The following ZNF407 variants were observed in gnomAD, a reference collection of about 807,000 sequenced individuals.
ZNF407 encodes the protein zinc finger protein 407.
A neutral mutation model predicts 131.2 loss-of-function variants in ZNF407; 17 were observed. The ratio of observed to expected loss-of-function variants is 0.13; its 90% confidence interval spans 0.09 to 0.19. ZNF407 has a LOEUF of 0.19. Among genes scored for constraint, ZNF407 ranks in the 10% least tolerant of loss-of-function variants. The pLI is 1.00. For missense variants in ZNF407, 2,681 were observed against 2,830.6 expected (o/e 0.95, Z 1.20); for synonymous variants, 1,156 against 1,062.0 (o/e 1.09, Z -1.72).
intron 4 of ZNF407, among the ~76,000 whole-genome samples, chr18:74,803,685 A>G (rs559531025): frequency 6.6e-6 from 1 of 152,360 alleles, no homozygotes; most frequent in South Asian, 2.1e-4. Flanking sequence ...GAAAACATAC[A>G]AGCTTATTCT....
At position 74,782,543 on chromosome 18, in the gene ZNF407, C is replaced by T. The variant is rs148097945; in HGVS notation, c.4877+1041C>T. 3.9e-3 allele frequency among the ~76,000 whole-genome samples: 567 copies of T among 146,532 alleles called. 12 individuals are homozygous for T. Among genetic ancestry groups the T allele is most frequent in the Admixed American group, 0.031 (466 of 15,008 alleles). ...CCCATATGTTTGATTTCATCCCCTC[C>T]GCTCCCCTCCCCTCCTCTTCTCTTC... On this transcript the variant is annotated intron_variant, in intron 4 of 8. Coordinates refer to ENST00000299687, the MANE Select transcript of ZNF407 (RefSeq NM_017757.3).
intron 8 of ZNF407, among the ~76,000 whole-genome samples, chr18:74,964,899 G>A (rs1224536607): frequency 1.3e-5 from 2 of 152,172 alleles, no homozygotes; most frequent in Non-Finnish European, 2.9e-5. Flanking sequence ...GAGCCTATGT[G>A]AAAAACTAGA....
intron 6 of ZNF407, among the ~76,000 whole-genome samples, chr18:74,883,746 A>G (rs1971270376): frequency 6.6e-6 from 1 of 152,200 alleles, no homozygotes; most frequent in Non-Finnish European, 1.5e-5. Context: ...CCGCACTATG[A>G]CGACAGCCCT....
chr18:74,730,048 A>C (rs576063788), intron 3 of ZNF407, among the ~76,000 whole-genome samples: 169 of 152,320 alleles, frequency 1.1e-3, no homozygotes, highest in Non-Finnish European at 2.1e-3. Flanking sequence ...GTATTCATTC[A>C]ACAAACGCCT....
chr18:75,005,434 C>T (rs1376711478), intron 8 of ZNF407, among the ~76,000 whole-genome samples: 2 of 151,830 alleles, frequency 1.3e-5, no homozygotes, highest in Non-Finnish European at 2.9e-5. Flanking sequence ...ACTTAGCTGG[C>T]GTATTTTCAT....
At chr18:74,790,928 A>G (rs940723112) in intron 4 of ZNF407, among the ~76,000 whole-genome samples, 3 of 152,220 alleles carry the variant, frequency 2.0e-5, no homozygotes, top group Non-Finnish European at 4.4e-5. Context: ...CGGAGCTATG[A>G]TAGGACACAG....
intron 8 of ZNF407, among the ~76,000 whole-genome samples, chr18:74,937,494 A>T (rs768792884): frequency 9.9e-5 from 15 of 152,198 alleles, no homozygotes; most frequent in African/African-American, 3.6e-4. Context: ...TGACAGTGTT[A>T]TATGTGCTGC....
chr18:74,964,209 G>A (rs1164078186), intron 8 of ZNF407, among the ~76,000 whole-genome samples: 1 of 152,194 alleles, frequency 6.6e-6, no homozygotes, highest in Non-Finnish European at 1.5e-5. Context: ...TGGATGGGAT[G>A]TGGTATTCTA....
intron 8 of ZNF407, among the ~76,000 whole-genome samples, chr18:75,024,832 T>A (rs537561773): frequency 1.3e-5 from 2 of 152,334 alleles, no homozygotes; most frequent in East Asian, 3.9e-4. Flanking sequence ...TCAATAATTA[T>A]CTGAAAATAC....
At chr18:74,797,381 A>C (rs1232880121) in intron 4 of ZNF407, among the ~76,000 whole-genome samples, 2 of 152,222 alleles carry the variant, frequency 1.3e-5, no homozygotes, top group East Asian at 3.9e-4. Flanking sequence ...CATAGATCTA[A>C]GTCTATTTGT....
At chr18:74,787,545 C>T (rs1179170069) in intron 4 of ZNF407, among the ~76,000 whole-genome samples, 3 of 152,182 alleles carry the variant, frequency 2.0e-5, no homozygotes, top group African/African-American at 4.8e-5. Flanking sequence ...TCTCTTCAAG[C>T]TTCTCTCTTG....
intron 7 of ZNF407, among the ~76,000 whole-genome samples, chr18:74,890,741 A>T (rs1255120024): frequency 6.6e-6 from 1 of 152,194 alleles, no homozygotes; most frequent in South Asian, 2.1e-4. Context: ...TATAATACAG[A>T]TTTGAATGGG....
chr18:74,681,328 T>A (rs922278230), intron 3 of ZNF407, among the ~76,000 whole-genome samples: 1 of 152,122 alleles, frequency 6.6e-6, no homozygotes, highest in Non-Finnish European at 1.5e-5. Context: ...CTTGAACTCC[T>A]GCGCCTAAAT....
At chr18:74,733,611 T>A (rs1292618575) in intron 3 of ZNF407, among the ~76,000 whole-genome samples, 2 of 152,188 alleles carry the variant, frequency 1.3e-5, no homozygotes, top group African/African-American at 2.4e-5. Context: ...CTGAAAAGTG[T>A]CTCTTTTTAG....
At chr18:74,921,091 C>G in intron 8 of ZNF407, 1 of 838,148 alleles carries the variant, frequency 1.2e-6, no homozygotes, top group Non-Finnish European at 1.4e-6. Flanking sequence ...CCATCATCTT[C>G]TAGTGAATGC....
chr18:74,985,650 T>C (rs1972644194), intron 8 of ZNF407, among the ~76,000 whole-genome samples: 1 of 152,160 alleles, frequency 6.6e-6, no homozygotes, highest in Non-Finnish European at 1.5e-5. Flanking sequence ...TTAGAGAGGA[T>C]CGAGCAGAAG....
At chr18:74,971,289 G>T (rs559102501) in intron 8 of ZNF407, among the ~76,000 whole-genome samples, 1 of 152,162 alleles carries the variant, frequency 6.6e-6, no homozygotes, top group East Asian at 1.9e-4. Context: ...TGCTACTTAC[G>T]CAAATTTCTG....
intron 3 of ZNF407, among the ~76,000 whole-genome samples, chr18:74,740,828 C>G (rs558801878): frequency 2.0e-5 from 3 of 152,132 alleles, no homozygotes; most frequent in African/African-American, 7.2e-5. Context: ...AGGGTCTAGA[C>G]GAACCCCCTC....
intron 2 of ZNF407, among the ~76,000 whole-genome samples, chr18:74,636,625 T>TA (rs1724748873): frequency 6.6e-6 from 1 of 152,246 alleles, no homozygotes; most frequent in South Asian, 2.1e-4. Context: ...TTTAAATTCA[T>TA]ACAGTTTTTG....
Sources: allele counts gnomAD v4.1 joint callset (sites outside exome capture counted in the v4.1 genomes callset), GRCh38; gene constraint gnomAD v4.1.1; transcripts MANE v1.5; gene names NCBI Gene and HGNC (gene_info 2026-07-23, HGNC 2026-07-21).